The following TSPAN16 variants were observed in gnomAD, a reference collection of about 807,000 sequenced individuals.
TSPAN16 encodes the protein tetraspanin-16.
A neutral mutation model predicts 25.2 loss-of-function variants in TSPAN16; 23 were observed. That is an observed-to-expected ratio of 0.91 (90% CI 0.66 to 1.29). The LOEUF (loss-of-function observed/expected upper bound fraction) is 1.29, where lower values mean the gene tolerates loss of function less well. Ranked by LOEUF, TSPAN16 falls within the 50% of genes most tolerant of loss-of-function variation. TSPAN16 has a pLI of 0.00. For missense variants in TSPAN16, 272 were observed against 299.9 expected, an observed-to-expected ratio of 0.91 and a Z score of 0.69; for synonymous variants, 123 against 124.4, an observed-to-expected ratio of 0.99 and a Z score of 0.08.
At position 11,326,986 on chromosome 19, in the gene TSPAN16, A is replaced by G; in HGVS notation, c.*142A>G. ...GAATCTCCATGCAGCCCCACCTGCC[A>G]CATCACCAAGGTAAGCCAGGAATTC... On this transcript the variant is annotated 3_prime_UTR_variant, in exon 7 of 7. Transcript: ENST00000316737. 6.2e-6 allele frequency: 3 copies of G among 481,478 alleles called. No homozygotes were observed. In the East Asian group the frequency reaches 1.0e-4, roughly 17 times the overall value. 29.8% of individuals were successfully genotyped at this position (481,478 alleles called of 1,614,324 possible). A position where few individuals can be genotyped will look rare whatever the true frequency, so the allele number is the denominator to read the frequency against.
Position 11,296,747 on chromosome 19 carries a change from G to C in TSPAN16, c.69+381G>C, listed in dbSNP as rs757138933. On this transcript the variant is annotated intron_variant, in intron 1 of 6. Transcript: ENST00000590327. ...AGTAACCCGAAATGTACATTGCTAA[G>C]GAATTGTCAGGCCGGGGGCGCTGGC... Among the ~76,000 whole-genome samples the C allele has an allele frequency of 4.6e-4, 70 of 152,304 alleles. 2 individuals are homozygous for C. The highest frequency in any genetic ancestry group is 4.6e-3 in the Admixed American group (70 of 15,282).
downstream of TSPAN16, among the ~76,000 whole-genome samples, chr19:11,318,274 C>T (rs1427626499): frequency 6.6e-6 from 1 of 152,080 alleles, no homozygotes; most frequent in Non-Finnish European, 1.5e-5. Context: ...ATCCGCCCCC[C>T]TAGGCCTCCC....
intron 6 of TSPAN16, chr19:11,321,161 G>A (rs2080777206): frequency 1.3e-5 from 2 of 148,390 alleles, no homozygotes; most frequent in Admixed American, 1.3e-4. Context: ...GAGTAGGACT[G>A]AGTCTCAAAA....
intron 6 of TSPAN16, among the ~76,000 whole-genome samples, chr19:11,321,040 G>GCA (rs1568297282): frequency 6.6e-6 from 1 of 151,920 alleles, no homozygotes; most frequent in Non-Finnish European, 1.5e-5. Context: ...GTAGTGGAGT[G>GCA]TGCCTGTAAT....
chr19:11,306,703 G>A lies in TSPAN16; in HGVS notation c.550G>A (p.Gly184Arg), dbSNP rs778607197. 3.7e-6 allele frequency: 6 copies of A among 1,613,950 alleles called. No homozygotes were observed. Among genetic ancestry groups the A allele is most frequent in the African/African-American group, 1.3e-5 (1 of 74,910 alleles). The change falls in exon 5 of 7, where the codon GGA (glycine) becomes AGA (arginine). Residue 184 changes from glycine (G) to arginine (R), a missense_variant. Transcript: ENST00000590327. The stretch of plus-strand genomic sequence containing the variant: ...CCCCAGGAGTTGCTGTAAATCCATC[G>A]GAAGTGTGTCCTGTGACGGACGCGA... The part of the protein sequence containing the change: ...TYPRSCCKSI[G>R]SVSCDGRDVS...
At chr19:11,311,859 A>G (rs1010497677) in intron 5 of TSPAN16, among the ~76,000 whole-genome samples, 1 of 152,174 alleles carries the variant, frequency 6.6e-6, no homozygotes, top group African/African-American at 2.4e-5. Flanking sequence ...AGGATGTCCA[A>G]CCACACTTAA....
chr19:11,312,257 T>G (rs2080700421), intron 6 of TSPAN16, 35 bp downstream of exon 6: 1 of 1,505,188 alleles, frequency 6.6e-7, no homozygotes, highest in East Asian at 2.3e-5. Flanking sequence ...TTTGAGCTGT[T>G]TTATTAAGCA....
chr19:11,323,687 G>C (rs911165061), intron 6 of TSPAN16: 1 of 152,222 alleles, frequency 6.6e-6, no homozygotes, highest in African/African-American at 2.4e-5. Flanking sequence ...ATCTAAACTT[G>C]AACCAGGCTT....
intron 1 of TSPAN16, 100 bp downstream of exon 1, chr19:11,296,466 A>G: frequency 7.8e-7 from 1 of 1,276,668 alleles, no homozygotes; most frequent in South Asian, 1.2e-5. Flanking sequence ...TGGCATCGAG[A>G]TCTGTGGTTC....
In TSPAN16 at chr19:11,299,161, A is replaced by G. The variant is rs564716819; in HGVS notation, c.342+215A>G. Among the ~76,000 whole-genome samples, 13 of 152,102 alleles carry G rather than the reference A, an allele frequency of 8.5e-5. No homozygotes were observed. The East Asian group carries it at 2.5e-3, about 29-fold the overall frequency. ...CCAGGCGTGATAGCACGCACTTGTA[A>G]TCCAGCTACTCAGGAGGCTGAGGCA... On this transcript the variant is annotated intron_variant, in intron 3 of 6. Coordinates refer to ENST00000590327, the MANE Select transcript of TSPAN16 (RefSeq NM_001282509.2).
chr19:11,298,782 G>A (rs1230131205), intron 2 of TSPAN16, 90 bp from the exon 3 acceptor site: 1 of 1,296,290 alleles, frequency 7.7e-7, no homozygotes, highest in Non-Finnish European at 1.1e-6. Flanking sequence ...GGAGGGTCGG[G>A]GGAACAGAGA....
chr19:11,312,299 T>C, intron 6 of TSPAN16, 77 bp downstream of exon 6: 1 of 847,316 alleles, frequency 1.2e-6, no homozygotes, highest in Admixed American at 2.7e-5. Context: ...TTCTGGTCAC[T>C]GGGACACAGG....
At chr19:11,316,067 T>C, downstream of TSPAN16, 1 of 686,478 alleles carries the variant, frequency 1.5e-6, no homozygotes, top group African/African-American at 1.9e-5. Context: ...ACAACTTTCC[T>C]GTTTTGTAAA....
rs1239862057 is a variant in TSPAN16, at chr19:11,296,236, A to G, written c.-62A>G. The G allele has an allele frequency of 1.9e-6, 3 of 1,545,730 alleles. No homozygotes were observed. The highest frequency in any genetic ancestry group is 1.4e-5 in the African/African-American group (1 of 73,984). Reference sequence around the variant, plus strand: ...TCAGATCCCTATCATCTTGGGAAACAGTAGCCCAGAGGTTCAGGAAGATGT... The same window carrying G: ...TCAGATCCCTATCATCTTGGGAAACGGTAGCCCAGAGGTTCAGGAAGATGT... On this transcript the variant is annotated 5_prime_UTR_variant, in exon 1 of 7. Transcript: ENST00000590327.
rs915260687 is a variant in TSPAN16, at chr19:11,301,457, T to C, written c.450+149T>C. ...GAGTTTGAGACCAGCTGAGCCAACA[T>C]GGTGAAACCCCGTCTCTACTAAAAA... On this transcript the variant is annotated intron_variant, in intron 4 of 6. Coordinates refer to ENST00000590327, the MANE Select transcript of TSPAN16 (RefSeq NM_001282509.2). 3 of 564,764 alleles carry C rather than the reference T, an allele frequency of 5.3e-6. No homozygotes were observed. In the South Asian group the frequency reaches 5.7e-5, roughly 11 times the overall value. 35.0% of individuals were successfully genotyped at this position (564,764 alleles called of 1,614,324 possible). A position where few individuals can be genotyped will look rare whatever the true frequency, so the allele number is the denominator to read the frequency against.
At chr19:11,314,040 T>C (rs765044157) in intron 6 of TSPAN16, among the ~76,000 whole-genome samples, 4 of 152,216 alleles carry the variant, frequency 2.6e-5, no homozygotes, top group Non-Finnish European at 5.9e-5. Context: ...CTTATTGATA[T>C]ATGCTACAAC....
At chr19:11,311,462 G>A (rs1232696881) in intron 5 of TSPAN16, among the ~76,000 whole-genome samples, 3 of 151,932 alleles carry the variant, frequency 2.0e-5, no homozygotes. Context: ...ACAGGGTATT[G>A]CTGTGTCCCC....
At chr19:11,300,957 C>A in intron 3 of TSPAN16, 1 of 387,916 alleles carries the variant, frequency 2.6e-6, no homozygotes, top group Non-Finnish European at 4.8e-6. Context: ...AATTCGTGTG[C>A]GATGGGTACA....
At chr19:11,320,951 A>C (rs1187141017), downstream of TSPAN16, among the ~76,000 whole-genome samples, 1 of 152,008 alleles carries the variant, frequency 6.6e-6, no homozygotes, top group East Asian at 1.9e-4. Context: ...TGGGCAGATC[A>C]TGAGGTCAGG....
Sources: allele counts gnomAD v4.1 joint callset (sites outside exome capture counted in the v4.1 genomes callset), GRCh38; gene constraint gnomAD v4.1.1; transcripts MANE v1.5; gene names NCBI Gene and HGNC (gene_info 2026-07-23, HGNC 2026-07-21).